FAM221A: variants seen among roughly 807,000 people sequenced by gnomAD.
FAM221A encodes the protein protein FAM221A.
Under a neutral mutation model 37.6 loss-of-function variants are expected in FAM221A, and 43 were observed. The observed-to-expected ratio is 1.15, with a 90% CI of 0.90 to 1.48. The LOEUF is 1.48. Ranked by LOEUF, FAM221A falls within the 40% of genes most tolerant of loss-of-function variation. FAM221A has a pLI of 0.00. For missense variants in FAM221A, 361 were observed against 361.5 expected (o/e 1.00, Z 0.01); for synonymous variants, 135 against 132.9 (o/e 1.02, Z -0.11).
intron 2 of FAM221A, chr7:23,687,404 G>A (rs1784433848): frequency 6.6e-6 from 1 of 152,122 alleles, no homozygotes; most frequent in Non-Finnish European, 1.5e-5. Context: ...CTGCTAAAAT[G>A]TTTGAAAACT....
intron 3 of FAM221A, among the ~76,000 whole-genome samples, chr7:23,690,924 C>G (rs1256065867): frequency 6.6e-6 from 1 of 152,188 alleles, no homozygotes; most frequent in African/African-American, 2.4e-5. Context: ...TTTCATGATT[C>G]ATCCATGTAG....
chr7:23,686,747 G>C (rs1784399430), intron 2 of FAM221A: 1 of 149,658 alleles, frequency 6.7e-6, no homozygotes, highest in African/African-American at 2.5e-5. Context: ...ACTACCCAAA[G>C]CCAGCTGCTA....
chr7:23,687,305 A>G (rs1308975116), intron 2 of FAM221A: 1 of 152,200 alleles, frequency 6.6e-6, no homozygotes, highest in African/African-American at 2.4e-5. Flanking sequence ...GGGAAACTCT[A>G]TTCTGTTCTT....
At chr7:23,686,509 T>C (rs2128038198) in intron 2 of FAM221A, 1 of 289,120 alleles carries the variant, frequency 3.5e-6, no homozygotes, top group Non-Finnish European at 6.8e-6. Context: ...AAGTTATCTG[T>C]CTACCTCGGG....
At chr7:23,696,214 T>C (rs1000963789) in intron 4 of FAM221A, among the ~76,000 whole-genome samples, 1 of 152,158 alleles carries the variant, frequency 6.6e-6, no homozygotes, top group East Asian at 1.9e-4. Flanking sequence ...TGAGCATTTG[T>C]ATATCTAAAT....
chr7:23,686,443 T>G (rs949725071), intron 2 of FAM221A: 8 of 304,326 alleles, frequency 2.6e-5, no homozygotes, highest in Non-Finnish European at 4.5e-5. Flanking sequence ...TTTGTATTTT[T>G]TTGTAGAGAA....
intron 6 of FAM221A, among the ~76,000 whole-genome samples, chr7:23,701,393 C>T (rs1051782112): frequency 1.3e-5 from 2 of 151,894 alleles, no homozygotes; most frequent in African/African-American, 2.4e-5. Flanking sequence ...GCGCCCACCA[C>T]CATGCCCAGC....
chr7:23,690,193 ATATATAT>A (rs1188731489), intron 3 of FAM221A, among the ~76,000 whole-genome samples: 14 of 46,508 alleles, frequency 3.0e-4, no homozygotes, highest in Non-Finnish European at 7.2e-4. Context: ...ATATATATAT[ATATATAT>A]TTTTTTTTTT....
chr7:23,687,377 T>C (rs1784432087), intron 2 of FAM221A: 2 of 152,178 alleles, frequency 1.3e-5, no homozygotes. Flanking sequence ...AAGATTTTAT[T>C]TGACAAAAGG....
At chr7:23,697,482 A>G (rs1194015402) in intron 4 of FAM221A, among the ~76,000 whole-genome samples, 4 of 152,194 alleles carry the variant, frequency 2.6e-5, no homozygotes, top group Admixed American at 6.5e-5. Context: ...CATTTCATTG[A>G]AGAGGGTGCT....
At chr7:23,703,126 A>C (rs1156771904), downstream of FAM221A, 2 of 152,160 alleles carry the variant, frequency 1.3e-5, no homozygotes, top group Non-Finnish European at 1.5e-5. Context: ...AGCTCCAGTC[A>C]CCCATAGCAG....
At chr7:23,681,490 G>A (rs1263723457) in intron 1 of FAM221A, among the ~76,000 whole-genome samples, 1 of 152,198 alleles carries the variant, frequency 6.6e-6, no homozygotes, top group Non-Finnish European at 1.5e-5. Flanking sequence ...CGCGATCTCG[G>A]CTCACCGCAA....
rs1432433261 is a variant in FAM221A at position 23,698,189 on chromosome 7, C to T, written c.638-3C>T. ...TTTTATTCTCCATGTATTGTTTTCT[C>T]AGGTGTACCTTCAGTTGAATTTTTA... On this transcript the variant is annotated splice_region_variant and splice_polypyrimidine_tract_variant and intron_variant, in intron 4 of 6. Coordinates refer to ENST00000344962, the MANE Select transcript of FAM221A (RefSeq NM_199136.5). The T allele has an allele frequency of 2.7e-6, 4 of 1,476,312 alleles. No homozygotes were observed. The highest frequency in any genetic ancestry group is 3.8e-6 in the Non-Finnish European group (4 of 1,060,842). The allele number at this position is 1,476,312 out of a possible 1,614,324, so 91.5% of individuals were successfully genotyped here.
chr7:23,694,505 A>G (rs1784934546), intron 4 of FAM221A: 2 of 152,216 alleles, frequency 1.3e-5, no homozygotes, highest in South Asian at 4.1e-4. Flanking sequence ...AGAAAACCCA[A>G]CTACCAGTGT....
At chr7:23,697,556 CA>C (rs1208577813) in intron 4 of FAM221A, among the ~76,000 whole-genome samples, 23 of 152,220 alleles carry the variant, frequency 1.5e-4, no homozygotes, top group African/African-American at 5.1e-4. Context: ...AGTAAAAATA[CA>C]CTTATTCTAC....
At chr7:23,684,385 C>A in intron 1 of FAM221A, 114 bp from the exon 2 acceptor site, 1 of 838,802 alleles carries the variant, frequency 1.2e-6, no homozygotes, top group Non-Finnish European at 1.8e-6. Context: ...TAAGAAAAGA[C>A]AGATTTACAA....
chr7:23,701,175 A>T (rs533636910), intron 6 of FAM221A, among the ~76,000 whole-genome samples: 12 of 151,130 alleles, frequency 7.9e-5, no homozygotes, highest in East Asian at 7.7e-4. Flanking sequence ...TTTTTTATAC[A>T]TGTACCTTTA....
Position 23,691,567 on chromosome 7 carries a change from G to A in FAM221A, c.608G>A (p.Gly203Asp), listed in dbSNP as rs1282305046. The change falls in exon 4 of 7, where the codon GGC (glycine) becomes GAC (aspartate). Residue 203 changes from glycine (G) to aspartate (D), a missense_variant. Physicochemically the swap from Gly to Asp is moderately conservative, Grantham distance 94. Coordinates refer to ENST00000344962, the MANE Select transcript of FAM221A (RefSeq NM_199136.5). Reference protein sequence around the residue: ...GLTGFSSLAEGYMRLDDSGIG... With the variant: ...GLTGFSSLAEDYMRLDDSGIG... ...ACTGGTTTCAGCTCGCTGGCGGAAG[G>A]CTACATGCGGTTAGATGACAGTGGG... 9.3e-6 allele frequency: 15 copies of A among 1,614,028 alleles called. No individual in the cohort carries two copies. The highest frequency in any genetic ancestry group is 1.3e-5 in the Non-Finnish European group (15 of 1,180,012).
chr7:23,687,738 G>A (rs1225474126), intron 2 of FAM221A: 1 of 150,746 alleles, frequency 6.6e-6, no homozygotes, highest in African/African-American at 2.4e-5. Context: ...CTGCCTCCTG[G>A]GTTCAAGGGA....
Sources: allele counts gnomAD v4.1 joint callset (sites outside exome capture counted in the v4.1 genomes callset), GRCh38; gene constraint gnomAD v4.1.1; transcripts MANE v1.5; gene names NCBI Gene and HGNC (gene_info 2026-07-23, HGNC 2026-07-21).